HJURP: variants seen among roughly 807,000 people sequenced by gnomAD.
The protein encoded by HJURP is 14-3-3-associated AKT substrate.
A neutral mutation model predicts 72.0 loss-of-function variants in HJURP; 49 were observed. That is an observed-to-expected ratio of 0.68 (90% CI 0.54 to 0.86). The LOEUF (loss-of-function observed/expected upper bound fraction) is 0.86. Ranked by LOEUF, HJURP falls within the 40% of genes least tolerant of loss-of-function variation. The pLI, the probability that HJURP is intolerant of heterozygous loss-of-function variation, is 0.00. For missense variants in HJURP, 908 were observed against 936.3 expected, an observed-to-expected ratio of 0.97 and a Z score of 0.39; for synonymous variants, 357 against 347.1, an observed-to-expected ratio of 1.03 and a Z score of -0.32.
At chr2:233,850,994 A>G (rs1346008202) in intron 3 of HJURP, among the ~76,000 whole-genome samples, 4 of 152,250 alleles carry the variant, frequency 2.6e-5, no homozygotes, top group Admixed American at 6.5e-5. Context: ...TGTCACCAAT[A>G]GCAATTACAG....
At chr2:233,843,296 G>A (rs1042981390) in intron 7 of HJURP, among the ~76,000 whole-genome samples, 1 of 152,060 alleles carries the variant, frequency 6.6e-6, no homozygotes, top group Non-Finnish European at 1.5e-5. Context: ...TTAGAGAAAA[G>A]GTTCCTAGGA....
At chr2:233,837,681 A>G (rs763780037) in intron 8 of HJURP, 29 bp from the exon 9 acceptor site, 22 of 1,469,136 alleles carry the variant, frequency 1.5e-5, no homozygotes, top group Middle Eastern at 1.7e-4. Flanking sequence ...AAAGAAAATG[A>G]TGTTAGCAAA....
At chr2:233,852,670 C>T in intron 2 of HJURP, 50 bp from the exon 3 acceptor site, 1 of 1,355,618 alleles carries the variant, frequency 7.4e-7, no homozygotes, top group Non-Finnish European at 1.1e-6. Context: ...GAACGCTGAA[C>T]TTCTGCTCAA....
chr2:233,844,208 G>C lies in HJURP; in HGVS notation c.571C>G (p.Pro191Ala), dbSNP rs373510958. The C allele has an allele frequency of 6.2e-7, 1 of 1,613,604 alleles. No individual in the cohort carries two copies. The highest frequency in any genetic ancestry group is 1.3e-5 in the African/African-American group (1 of 74,898). The change falls in exon 7 of 9, where the codon CCC becomes GCC. Residue 191 changes from proline (P) to alanine (A), a missense_variant. Around this residue, in one of 3 missense-constraint regions of HJURP, gnomAD observed 299 missense variants for 286.7 expected, o/e 1.04. Transcript: ENST00000411486. The part of the protein sequence containing the change: ...PSLASPAVPA[P>A]GYCSRISRKS... ...ACAGTTTCTATGTCACACTCACCGG[G>C]GGCAGGCACGGCAGGTGAGGCCAGT... is the stretch of plus-strand genomic sequence containing the variant.
At chr2:233,845,350 C>G (rs917606557) in intron 6 of HJURP, among the ~76,000 whole-genome samples, 3 of 152,146 alleles carry the variant, frequency 2.0e-5, no homozygotes, top group African/African-American at 7.2e-5. Context: ...TGAGATTTCA[C>G]CATGTTGGCC....
chr2:233,844,624 A>T (rs1478123581), intron 6 of HJURP, among the ~76,000 whole-genome samples: 1 of 152,172 alleles, frequency 6.6e-6, no homozygotes, highest in African/African-American at 2.4e-5. Context: ...GTGGACAAAG[A>T]AGACCCAGTA....
chr2:233,852,225 CCAAA>C, intron 3 of HJURP, among the ~76,000 whole-genome samples: 1 of 152,264 alleles, frequency 6.6e-6, no homozygotes, highest in Middle Eastern at 3.4e-3. Flanking sequence ...CTGTAAGGAC[CCAAA>C]CAAAGTGAGT....
At chr2:233,840,503 G>A (rs1404500405) in intron 8 of HJURP, 106 bp downstream of exon 8, 19 of 1,146,984 alleles carry the variant, frequency 1.7e-5, no homozygotes, top group African/African-American at 4.7e-5. Context: ...GTAAGAATTC[G>A]GCTGAGATTC....
Position 233,840,591 on chromosome 2 carries a change from C to G in HJURP, c.2171+18G>C, listed in dbSNP as rs1488809586. On this transcript the variant is annotated intron_variant, in intron 8 of 8. Coordinates refer to ENST00000411486, the MANE Select transcript of HJURP (RefSeq NM_018410.5). The stretch of plus-strand genomic sequence containing the variant: ...GTCACTCACATAAACCACATTCAAC[C>G]AACAGAAACACACCTACCTCTCTTC... The G allele has an allele frequency of 3.2e-6, 5 of 1,552,614 alleles. No homozygotes were observed. The highest frequency in any genetic ancestry group is 4.3e-6 in the Non-Finnish European group (5 of 1,154,682).
chr2:233,837,727 A>G, intron 8 of HJURP, 75 bp from the exon 9 acceptor site: 2 of 924,488 alleles, frequency 2.2e-6, no homozygotes, highest in Non-Finnish European at 3.4e-6. Flanking sequence ...CTAAAAGGTT[A>G]ACTGTTTTCT....
intron 8 of HJURP, among the ~76,000 whole-genome samples, chr2:233,839,423 A>G (rs1021092731): frequency 1.3e-5 from 2 of 152,258 alleles, no homozygotes; most frequent in African/African-American, 4.8e-5. Flanking sequence ...CTGGAAGGGA[A>G]GGGCTGTCCT....
rs962918637 is a variant in HJURP, at chr2:233,846,706, C to T, written c.402+691G>A. Among the ~76,000 whole-genome samples the T allele has an allele frequency of 1.3e-5, 2 of 152,110 alleles. No homozygotes were observed. The highest frequency in any genetic ancestry group is 2.9e-5 in the Non-Finnish European group (2 of 68,022). ...AGTCACTGAAAGTCACACATGGGTG[C>T]GTGGGAAACCCTCTGCACAAAAGTA... On this transcript the variant is annotated intron_variant, in intron 5 of 8. Transcript: ENST00000411486. This position sits in a 1 kb window ranked among gnomAD's most constrained non-coding sequence, Gnocchi z 4.3.
In HJURP at chr2:233,847,408, A is replaced by G. The variant is rs770610560; in HGVS notation, c.391T>C (p.Trp131Arg). 6.8e-6 allele frequency: 11 copies of G among 1,613,750 alleles called. No individual in the cohort carries two copies. The African/African-American group carries it at 1.2e-4, about 18-fold the overall frequency. ...ATSDQEESVA[W>R]ALAPAVPQSP... The stretch of plus-strand genomic sequence containing the variant: ...AAGGCAGCACTTACTGCTAAGGCCC[A>G]AGCAACTGACTCTTCCTGGTCTGAC... Residue 131 changes from tryptophan to arginine, a missense_variant, in exon 5 of 9, where the codon TGG (tryptophan) becomes CGG (arginine). By Grantham distance (101) the Trp-to-Arg change is moderately radical. Coordinates refer to ENST00000411486, the MANE Select transcript of HJURP (RefSeq NM_018410.5).
At chr2:233,844,392 G>A in intron 6 of HJURP, 109 bp from the exon 7 acceptor site, 1 of 787,408 alleles carries the variant, frequency 1.3e-6, no homozygotes, top group Non-Finnish European at 2.2e-6. Flanking sequence ...GCACAGCCAT[G>A]TCGACAAGCG....
At chr2:233,847,049 T>C (rs1705379436) in intron 5 of HJURP, among the ~76,000 whole-genome samples, 1 of 152,176 alleles carries the variant, frequency 6.6e-6, no homozygotes. Flanking sequence ...CCTGCCCCTG[T>C]AGGGGAGACT....
In HJURP at chr2:233,840,955, T is replaced by C. The variant is rs1236458527; in HGVS notation, c.1825A>G (p.Thr609Ala). Residue 609 changes from threonine (T) to alanine (A), a missense_variant, in exon 8 of 9, where the codon ACA (threonine) becomes GCA (alanine). Thr to Ala is a moderately conservative substitution (Grantham distance 58). Transcript: ENST00000411486. ...MTVPLCIGVS[T>A]DKASMEVRYQ... Reference sequence around the variant, plus strand: ...CGAACTTCCATACTTGCTTTATCTGTAGACACTCCAATACATAAAGGCACT... The same window carrying C: ...CGAACTTCCATACTTGCTTTATCTGCAGACACTCCAATACATAAAGGCACT... 1.2e-6 allele frequency: 2 copies of C among 1,614,172 alleles called. No homozygotes were observed. The highest frequency in any genetic ancestry group is 1.7e-6 in the Non-Finnish European group (2 of 1,180,014).
rs1344723282 is a variant in HJURP, at chr2:233,840,697, C to T, written c.2083G>A (p.Gly695Ser). The T allele has an allele frequency of 6.2e-7, 1 of 1,614,098 alleles. No homozygotes were observed. Among genetic ancestry groups the T allele is most frequent in the African/African-American group, 1.3e-5 (1 of 75,014 alleles). Reference sequence around the variant, plus strand: ...CCATCTGAGGCACCCAGGGAATTGCCCTGGCGTCCGGAGCCCTGGGGTTCT... The same window carrying T: ...CCATCTGAGGCACCCAGGGAATTGCTCTGGCGTCCGGAGCCCTGGGGTTCT... ...LSEPQGSGRQ[G>S]NSLGASDGVD... The change falls in exon 8 of 9, where the codon GGC becomes AGC. Residue 695 changes from glycine to serine, a missense_variant. Physicochemically the swap from Gly to Ser is moderately conservative, Grantham distance 56 (BLOSUM62 0). Coordinates refer to ENST00000411486, the MANE Select transcript of HJURP (RefSeq NM_018410.5).
intron 3 of HJURP, among the ~76,000 whole-genome samples, 191 bp downstream of exon 3, chr2:233,852,374 A>T (rs1362153985): frequency 6.6e-6 from 1 of 152,144 alleles, no homozygotes; most frequent in East Asian, 1.9e-4. Flanking sequence ...TTACACAGTG[A>T]CTCCTTGCAC....
intron 2 of HJURP, among the ~76,000 whole-genome samples, chr2:233,853,067 T>C (rs1274235484): frequency 6.6e-6 from 1 of 152,204 alleles, no homozygotes; most frequent in East Asian, 1.9e-4. Context: ...AATATTTTAG[T>C]TTCTGCCTGT....
Sources: allele counts gnomAD v4.1 joint callset (sites outside exome capture counted in the v4.1 genomes callset), GRCh38; gene constraint gnomAD v4.1.1; regional missense constraint gnomAD v4.1.1; non-coding constraint Gnocchi (gnomAD v3.1); transcripts MANE v1.5; gene names NCBI Gene and HGNC (gene_info 2026-07-23, HGNC 2026-07-21).